The following EYS variants were observed in gnomAD, a reference collection of about 807,000 sequenced individuals.
The protein encoded by EYS is EGF-like photoreceptor maintenance factor, also known as protein eyes shut homolog.
Under a neutral mutation model 282.1 loss-of-function variants are expected in EYS, and 250 were observed. The observed-to-expected ratio is 0.89, with a 90% confidence interval of 0.80 to 0.98. The LOEUF is 0.98. EYS is among the 50% of genes least tolerant of loss of function. The pLI, the probability that EYS is intolerant of heterozygous loss-of-function variation, is 0.00. For synonymous variants in EYS, 1,355 were observed against 1,282.9 expected (o/e 1.06, Z -1.20); for missense variants, 4,016 against 3,709.0 (o/e 1.08, Z -2.15).
intron 33 of EYS, among the ~76,000 whole-genome samples, chr6:64,029,710 G>A (rs922505492): frequency 5.9e-5 from 9 of 152,210 alleles, no homozygotes; most frequent in African/African-American, 2.2e-4. Context: ...CGAAGGGCAG[G>A]TTATGCCATA....
chr6:64,721,087 G>T (rs1771563649), intron 22 of EYS, among the ~76,000 whole-genome samples: 1 of 152,126 alleles, frequency 6.6e-6, no homozygotes, highest in East Asian at 1.9e-4. Flanking sequence ...AAAGTGCCAG[G>T]CTCTATTCTG....
At chr6:65,209,674 A>G (rs1766124772) in intron 12 of EYS, among the ~76,000 whole-genome samples, 1 of 151,956 alleles carries the variant, frequency 6.6e-6, no homozygotes. Flanking sequence ...CATATAACAT[A>G]TACTTTCAGG....
intron 22 of EYS, among the ~76,000 whole-genome samples, chr6:64,715,216 G>A (rs968241259): frequency 1.3e-5 from 2 of 152,108 alleles, no homozygotes; most frequent in African/African-American, 4.8e-5. Flanking sequence ...GAATCAGTGG[G>A]AGCCTTGAGT....
At chr6:65,299,910 ACCAAG>A (rs1174821856) in intron 11 of EYS, among the ~76,000 whole-genome samples, 2 of 152,162 alleles carry the variant, frequency 1.3e-5, no homozygotes, top group Non-Finnish European at 2.9e-5. Flanking sequence ...AGATAAACAC[ACCAAG>A]CCCTTATATC....
chr6:64,322,902 T>C (rs976564265), intron 29 of EYS, among the ~76,000 whole-genome samples: 10 of 152,042 alleles, frequency 6.6e-5, no homozygotes, highest in African/African-American at 2.4e-4. Context: ...TCCAGTTTAC[T>C]CTCTCAGCAA....
chr6:64,290,556 C>T (rs1047028507), intron 30 of EYS, among the ~76,000 whole-genome samples: 1 of 151,942 alleles, frequency 6.6e-6, no homozygotes, highest in Non-Finnish European at 1.5e-5. Flanking sequence ...TTCATTTTAG[C>T]TCGCTTAGCA....
chr6:64,042,176 T>C (rs939492447), intron 33 of EYS, among the ~76,000 whole-genome samples: 5 of 152,204 alleles, frequency 3.3e-5, no homozygotes, highest in Admixed American at 2.0e-4. Context: ...TTTTGGTTAG[T>C]GATGGACTGG....
At chr6:64,000,370 A>G (rs1483809876) in intron 33 of EYS, among the ~76,000 whole-genome samples, 1 of 148,024 alleles carries the variant, frequency 6.8e-6, no homozygotes, top group Non-Finnish European at 1.5e-5. Context: ...TTTTTTTTGT[A>G]TTTTTAGTAG....
At chr6:65,552,436 C>G (rs1768628920) in intron 2 of EYS, among the ~76,000 whole-genome samples, 1 of 152,018 alleles carries the variant, frequency 6.6e-6, no homozygotes, top group Admixed American at 6.6e-5. Flanking sequence ...TTATACTTAA[C>G]ATGAAAATGA....
chr6:65,138,633 A>C (rs1449803210), intron 12 of EYS, among the ~76,000 whole-genome samples: 2 of 152,058 alleles, frequency 1.3e-5, no homozygotes, highest in Non-Finnish European at 2.9e-5. Flanking sequence ...GGTTTTCTTT[A>C]TACTTTATAT....
At chr6:65,169,100 T>C (rs1765043506) in intron 12 of EYS, among the ~76,000 whole-genome samples, 1 of 151,534 alleles carries the variant, frequency 6.6e-6, no homozygotes, top group Non-Finnish European at 1.5e-5. Context: ...TATTGTTATG[T>C]GACTGAGTCC....
At chr6:64,380,623 CTATT>C (rs1278245305) in intron 29 of EYS, among the ~76,000 whole-genome samples, 1 of 152,096 alleles carries the variant, frequency 6.6e-6, no homozygotes, top group Non-Finnish European at 1.5e-5. Flanking sequence ...TGAAGTTAGA[CTATT>C]TAACTTAATG....
chr6:65,418,154 G>A (rs994978271), intron 5 of EYS, among the ~76,000 whole-genome samples: 8 of 152,136 alleles, frequency 5.3e-5, no homozygotes, highest in East Asian at 1.9e-4. Context: ...ATGGGACTAC[G>A]TTGTACATAC....
At chr6:64,325,699 G>A (rs1770389598) in intron 29 of EYS, among the ~76,000 whole-genome samples, 1 of 152,104 alleles carries the variant, frequency 6.6e-6, no homozygotes, top group Non-Finnish European at 1.5e-5. Context: ...AATATTCAGG[G>A]AAATAGATAG....
intron 26 of EYS, among the ~76,000 whole-genome samples, chr6:64,549,394 T>C (rs1195771321): frequency 1.3e-5 from 2 of 152,182 alleles, no homozygotes; most frequent in Non-Finnish European, 2.9e-5. Context: ...TTTTAGTTGA[T>C]TTTTGTGTCA....
chr6:64,001,766 T>A (rs527510261), intron 33 of EYS, among the ~76,000 whole-genome samples: 12 of 152,346 alleles, frequency 7.9e-5, no homozygotes, highest in African/African-American at 2.6e-4. Flanking sequence ...ACATGTAATT[T>A]ACATTACATA....
chr6:64,253,016 C>T (rs889816056), intron 30 of EYS, among the ~76,000 whole-genome samples: 3 of 152,060 alleles, frequency 2.0e-5, no homozygotes, highest in Non-Finnish European at 4.4e-5. Context: ...AAGGCCACTG[C>T]ATATTACATA....
chr6:65,615,386 TTA>T (rs3049825), intron 2 of EYS, among the ~76,000 whole-genome samples: 64,768 of 146,136 alleles, frequency 0.44, 14,642 homozygotes, highest in Non-Finnish European at 0.51. Flanking sequence ...TTTTATTTAT[TTA>T]TATATATATA....
Position 64,738,180 on chromosome 6 carries a change from A to G in EYS, c.3443+75198T>C, listed in dbSNP as rs1407708656. On this transcript the variant is annotated intron_variant, in intron 22 of 42. Coordinates refer to ENST00000503581, the MANE Select transcript of EYS (RefSeq NM_001142800.2). ...TGAAATGTGATCTCCAATGTTGCAG[A>G]TGGGGTCTGGGAAGTTGTTGGGTCA... is the stretch of plus-strand genomic sequence containing the variant. Among the ~76,000 whole-genome samples the G allele has an allele frequency of 4.6e-5, 7 of 152,240 alleles. No homozygotes were observed. In the South Asian group the frequency reaches 1.0e-3, roughly 23 times the overall value.
Sources: allele counts gnomAD v4.1 joint callset (sites outside exome capture counted in the v4.1 genomes callset), GRCh38; gene constraint gnomAD v4.1.1; transcripts MANE v1.5; gene names NCBI Gene and HGNC (gene_info 2026-07-23, HGNC 2026-07-21).